The following ARAP2 variants were observed in gnomAD, a reference collection of about 807,000 sequenced individuals.
The protein encoded by ARAP2 is arf-GAP with Rho-GAP domain, ANK repeat and PH domain-containing protein 2.
Under a neutral mutation model 194.5 loss-of-function variants are expected in ARAP2, and 148 were observed. The observed-to-expected ratio is 0.76, with a 90% CI of 0.67 to 0.87. ARAP2 has a LOEUF of 0.87. Ranked by LOEUF, ARAP2 falls within the 40% of genes least tolerant of loss-of-function variation. ARAP2 has a pLI of 0.00. For synonymous variants in ARAP2, 695 were observed against 683.5 expected (o/e 1.02, Z -0.26); for missense variants, 2,128 against 1,989.7 (o/e 1.07, Z -1.32).
intron 12 of ARAP2, 127 bp downstream of exon 12, chr4:36,161,338 A>C: frequency 1.5e-6 from 1 of 664,790 alleles, no homozygotes. Context: ...CACTTCCATA[A>C]TGTGGTGAGA....
chr4:36,068,689 C>T (rs995409513), intron 32 of ARAP2, among the ~76,000 whole-genome samples: 16 of 152,174 alleles, frequency 1.1e-4, no homozygotes, highest in Non-Finnish European at 1.8e-4. Context: ...ACTGATATGG[C>T]GTGCTGTGTT....
At chr4:36,113,780 G>A (rs1720626703) in intron 26 of ARAP2, among the ~76,000 whole-genome samples, 1 of 151,846 alleles carries the variant, frequency 6.6e-6, no homozygotes, top group South Asian at 2.1e-4. Context: ...AATAAAAAAT[G>A]AAGCTTCTGC....
chr4:36,069,424 T>C (rs1280674542), intron 32 of ARAP2, among the ~76,000 whole-genome samples: 1 of 152,048 alleles, frequency 6.6e-6, no homozygotes, highest in Non-Finnish European at 1.5e-5. Context: ...ACAATGTAAA[T>C]ACAACCAATG....
intron 1 of ARAP2, among the ~76,000 whole-genome samples, chr4:36,239,350 T>G (rs1753061840): frequency 6.6e-6 from 1 of 152,008 alleles, no homozygotes; most frequent in South Asian, 2.1e-4. Context: ...GGTGCAAAAG[T>G]AGATAAGGAG....
At chr4:36,230,835 C>A (rs1450042139) in intron 1 of ARAP2, among the ~76,000 whole-genome samples, 52 of 152,154 alleles carry the variant, frequency 3.4e-4, no homozygotes, top group Admixed American at 3.4e-3. Context: ...ACGCCAACTG[C>A]CCATAAGCTA....
chr4:36,154,844 G>C (rs1176500499), intron 15 of ARAP2, among the ~76,000 whole-genome samples: 1 of 152,280 alleles, frequency 6.6e-6, no homozygotes, highest in South Asian at 2.1e-4. Context: ...AGAGGCAAAG[G>C]TGACAACCAC....
chr4:36,045,530 G>T (rs1259623872), intron 5 of ARAP2, among the ~76,000 whole-genome samples: 3 of 152,164 alleles, frequency 2.0e-5, no homozygotes, highest in Non-Finnish European at 4.4e-5. Flanking sequence ...GGTTATCAGA[G>T]GCTGGGGGGT....
chr4:36,206,120 C>T (rs1371264836), intron 6 of ARAP2, among the ~76,000 whole-genome samples: 3 of 152,180 alleles, frequency 2.0e-5, no homozygotes, highest in Non-Finnish European at 4.4e-5. Context: ...CACTCAAACA[C>T]TTGCGTAGCC....
At chr4:36,099,386 C>T (rs1247751057) in intron 27 of ARAP2, among the ~76,000 whole-genome samples, 2 of 152,066 alleles carry the variant, frequency 1.3e-5, no homozygotes, top group South Asian at 4.1e-4. Flanking sequence ...TCTTGAAGGG[C>T]ATGGGCCTTA....
chr4:36,141,328 CT>C (rs747691813), intron 19 of ARAP2, among the ~76,000 whole-genome samples: 6 of 151,550 alleles, frequency 4.0e-5, no homozygotes, highest in Non-Finnish European at 8.9e-5. Flanking sequence ...CCAGAAACCC[CT>C]AAGTGTGATC....
intron 15 of ARAP2, among the ~76,000 whole-genome samples, chr4:36,158,278 A>AAC (rs1230450258): frequency 4.6e-5 from 7 of 152,072 alleles, no homozygotes; most frequent in South Asian, 2.1e-4. Flanking sequence ...ATTTTACTTA[A>AAC]ACACACACAC....
chr4:36,067,809 A>C lies in ARAP2; in HGVS notation c.*98T>G. On this transcript the variant is annotated 3_prime_UTR_variant, in exon 33 of 33. Transcript: ENST00000303965. ...AGACAAATTTGCCTATCAATAGGCA[A>C]ATTCTTATGAATTATCTTATAGTTC... The C allele has an allele frequency of 7.1e-7, 1 of 1,413,168 alleles. No homozygotes were observed. The highest frequency in any genetic ancestry group is 9.4e-7 in the Non-Finnish European group (1 of 1,062,826). 87.5% of individuals were successfully genotyped at this position (1,413,168 alleles called of 1,614,324 possible). A position where few individuals can be genotyped will look rare whatever the true frequency, so the allele number is the denominator to read the frequency against.
rs972132696 is a variant in ARAP2, at chr4:36,036,642, T to A, written n.607+9337A>T. Reference sequence around the variant, plus strand: ...ATAGCTTAGAATTACGTCCTTCAGTTATATTTTTAAATACGTAAAATTATT... The same window carrying A: ...ATAGCTTAGAATTACGTCCTTCAGTAATATTTTTAAATACGTAAAATTATT... On this transcript the variant is annotated intron_variant and non_coding_transcript_variant, in intron 5 of 12. Transcript: ENST00000503225. Among the ~76,000 whole-genome samples, 9 of 152,118 alleles carry A rather than the reference T, an allele frequency of 5.9e-5. 1 individual carries two copies. Among genetic ancestry groups the A allele is most frequent in the Non-Finnish European group, 1.3e-4 (9 of 67,982 alleles).
intron 21 of ARAP2, 52 bp downstream of exon 21, chr4:36,128,481 C>CACAA: frequency 7.6e-7 from 1 of 1,310,350 alleles, no homozygotes; most frequent in African/African-American, 1.4e-5. Flanking sequence ...ATATTATACA[C>CACAA]ACACACACAC....
At chr4:36,169,565 C>CT (rs1736088765) in intron 9 of ARAP2, among the ~76,000 whole-genome samples, 1 of 146,504 alleles carries the variant, frequency 6.8e-6, no homozygotes, top group Admixed American at 6.9e-5. Flanking sequence ...CAGTCTTGCT[C>CT]TGTCACCCAG....
At chr4:36,156,923 T>C (rs1732701642) in intron 15 of ARAP2, among the ~76,000 whole-genome samples, 1 of 152,198 alleles carries the variant, frequency 6.6e-6, no homozygotes, top group African/African-American at 2.4e-5. Flanking sequence ...TTAAATAAAT[T>C]TTAACCAAAA....
chr4:36,141,818 C>T (rs894185450), intron 19 of ARAP2, among the ~76,000 whole-genome samples: 4 of 151,600 alleles, frequency 2.6e-5, no homozygotes, highest in African/African-American at 4.8e-5. Context: ...TATAGGCCAA[C>T]AGTATAAATA....
intron 29 of ARAP2, 97 bp from the exon 30 acceptor site, chr4:36,082,383 G>A (rs1415472001): frequency 1.6e-6 from 2 of 1,246,152 alleles, no homozygotes; most frequent in African/African-American, 3.1e-5. Context: ...AGATTTAATG[G>A]TGGGAATGCA....
At chr4:36,158,588 A>G (rs1221932280) in intron 15 of ARAP2, 142 bp downstream of exon 15, 1 of 709,412 alleles carries the variant, frequency 1.4e-6, no homozygotes, top group Non-Finnish European at 2.3e-6. Flanking sequence ...ATTTGCACCT[A>G]GAAGCATTTA....
Sources: allele counts gnomAD v4.1 joint callset (sites outside exome capture counted in the v4.1 genomes callset), GRCh38; gene constraint gnomAD v4.1.1; transcripts MANE v1.5; gene names NCBI Gene and HGNC (gene_info 2026-07-23, HGNC 2026-07-21).